SP140: variants seen among roughly 807,000 people sequenced by gnomAD.
SP140 encodes SP140 nuclear body protein, also known as nuclear body protein SP140.
Under a neutral mutation model 125.0 loss-of-function variants are expected in SP140, and 81 were observed. The observed-to-expected ratio is 0.65, with a 90% CI of 0.54 to 0.78. SP140 has a LOEUF of 0.78. Among genes scored for constraint, SP140 ranks in the 30% least tolerant of loss-of-function variants. SP140 has a pLI of 0.00. For synonymous variants in SP140, 312 were observed against 354.0 expected, an observed-to-expected ratio of 0.88 and a Z score of 1.33; for missense variants, 858 against 1,037.0, an observed-to-expected ratio of 0.83 and a Z score of 2.37.
chr2:230,188,509 A>G, the SP140 span, among the ~76,000 whole-genome samples: 1 of 152,066 alleles, frequency 6.6e-6, no homozygotes, highest in East Asian at 1.9e-4. Context: ...TCTGGCTAGG[A>G]CTTCTAGTAC....
rs947349988 is a variant in SP140 at position 230,216,995 on chromosome 2, C to T, written c.-91+2921C>T. On this transcript the variant is annotated intron_variant, in intron 3 of 4. Coordinates refer to the SP140 transcript ENST00000456542. ...GCGCGGTGGCTCATGCCTGTAATCCCGGCACTTTGGGAGGCCGAGGTGGGT... is the reference window on the plus strand; with the variant it reads ...GCGCGGTGGCTCATGCCTGTAATCCTGGCACTTTGGGAGGCCGAGGTGGGT... 5.3e-5 allele frequency: 77 copies of T among 1,465,858 alleles called. No homozygotes were observed. The Middle Eastern group carries it at 1.7e-3, about 32-fold the overall frequency. 90.8% of individuals were successfully genotyped at this position (1,465,858 alleles called of 1,614,324 possible).
rs571898926 is a variant in SP140 at position 230,303,518 on chromosome 2, T to C, written c.2058+6056T>C. On this transcript the variant is annotated intron_variant, in intron 22 of 26. Transcript: ENST00000392045. Reference sequence around the variant, plus strand: ...ATTGGTATCAATCCTACTGAAACCATTCCAAAACATAGAGAAAGAGGGCAT... The same window carrying C: ...ATTGGTATCAATCCTACTGAAACCACTCCAAAACATAGAGAAAGAGGGCAT... Among the ~76,000 whole-genome samples, 5 of 152,234 alleles carry C rather than the reference T, an allele frequency of 3.3e-5. No individual in the cohort carries two copies. The East Asian group carries it at 9.6e-4, about 29-fold the overall frequency.
chr2:230,215,122 T>A, intron 3 of SP140: 1 of 1,611,894 alleles, frequency 6.2e-7, no homozygotes, highest in Non-Finnish European at 8.5e-7. Flanking sequence ...GAGATTCCTA[T>A]AAAAATGGAG....
intron 1 of SP140, among the ~76,000 whole-genome samples, chr2:230,229,983 T>C (rs1471919429): frequency 6.6e-6 from 1 of 152,190 alleles, no homozygotes; most frequent in African/African-American, 2.4e-5. Flanking sequence ...TTTCTCTGTC[T>C]TTCGTATTCT....
chr2:230,233,240 T>A (rs928069309), intron 1 of SP140, among the ~76,000 whole-genome samples: 4 of 152,284 alleles, frequency 2.6e-5, no homozygotes, highest in East Asian at 3.9e-4. Context: ...ACTGAGACCA[T>A]CAAATTTATA....
chr2:230,217,115 G>A (rs535253959), intron 3 of SP140, among the ~76,000 whole-genome samples: 5 of 152,050 alleles, frequency 3.3e-5, no homozygotes, highest in Middle Eastern at 6.8e-3. Flanking sequence ...GTGTGGTGGC[G>A]CACGCCTGTA....
At chr2:230,216,242 T>C (rs2045161550) in intron 3 of SP140, among the ~76,000 whole-genome samples, 2 of 152,202 alleles carry the variant, frequency 1.3e-5, no homozygotes, top group African/African-American at 4.8e-5. Flanking sequence ...TTGGAAAAAG[T>C]GTCTTTGCAG....
the SP140 span, among the ~76,000 whole-genome samples, chr2:230,186,463 A>G: frequency 8.5e-5 from 13 of 152,278 alleles, no homozygotes; most frequent in African/African-American, 2.2e-4. Flanking sequence ...TGAATGTTTA[A>G]TAGGCACTAA....
intron 3 of SP140, chr2:230,238,690 A>C: frequency 8.2e-7 from 1 of 1,221,660 alleles, no homozygotes; most frequent in Non-Finnish European, 1.2e-6. Context: ...ATGTCTTTTC[A>C]TGGGAAAGGA....
chr2:230,314,542 T>G (rs2059469300), downstream of SP140, among the ~76,000 whole-genome samples: 1 of 152,208 alleles, frequency 6.6e-6, no homozygotes, highest in African/African-American at 2.4e-5. Context: ...AGGTGATGAT[T>G]CTGATATACT....
chr2:230,272,341 T>C (rs955692247), intron 15 of SP140, among the ~76,000 whole-genome samples: 2 of 152,142 alleles, frequency 1.3e-5, no homozygotes, highest in Admixed American at 6.6e-5. Context: ...TTAACTGATA[T>C]GGTTTGGCTG....
At chr2:230,280,267 T>C (rs2055346616) in intron 15 of SP140, among the ~76,000 whole-genome samples, 1 of 152,224 alleles carries the variant, frequency 6.6e-6, no homozygotes, top group Non-Finnish European at 1.5e-5. Flanking sequence ...GCATTCTGCT[T>C]TATCCCTGTT....
At chr2:230,192,663 C>T in the SP140 span, among the ~76,000 whole-genome samples, 13 of 152,260 alleles carry the variant, frequency 8.5e-5, no homozygotes, top group African/African-American at 2.4e-4. Flanking sequence ...ATTCCATCTT[C>T]ATGGATAAGA....
chr2:230,219,879 C>CT (rs2045649777), intron 3 of SP140: 1 of 980,134 alleles, frequency 1.0e-6, no homozygotes, highest in African/African-American at 1.8e-5. Context: ...CTCACCTGGA[C>CT]TTTGAGTTTG....
At chr2:230,265,301 A>G (rs1213625699) in intron 12 of SP140, among the ~76,000 whole-genome samples, 2 of 151,540 alleles carry the variant, frequency 1.3e-5, no homozygotes, top group African/African-American at 4.8e-5. Context: ...AAAGGGCCAG[A>G]CTCACTCCCA....
At chr2:230,258,201 A>T (rs189956522) in intron 12 of SP140, among the ~76,000 whole-genome samples, 1 of 152,316 alleles carries the variant, frequency 6.6e-6, no homozygotes, top group Non-Finnish European at 1.5e-5. Flanking sequence ...AGGAGGCACC[A>T]TCAAGTATTT....
chr2:230,266,732 G>C (rs1230502160), intron 12 of SP140, among the ~76,000 whole-genome samples: 1 of 152,134 alleles, frequency 6.6e-6, no homozygotes, highest in Non-Finnish European at 1.5e-5. Context: ...CTGGTTGTTG[G>C]TCACGGACCA....
At chr2:230,281,685 A>G (rs1289814480) in intron 15 of SP140, among the ~76,000 whole-genome samples, 1 of 152,194 alleles carries the variant, frequency 6.6e-6, no homozygotes, top group African/African-American at 2.4e-5. Flanking sequence ...AGTGGGATTT[A>G]TTTCACACAG....
intron 16 of SP140, among the ~76,000 whole-genome samples, chr2:230,285,292 C>T (rs1040274663): frequency 3.9e-5 from 6 of 152,092 alleles, no homozygotes; most frequent in African/African-American, 1.4e-4. Flanking sequence ...AAATGATTGT[C>T]AATTTTGAAT....
Sources: allele counts gnomAD v4.1 joint callset (sites outside exome capture counted in the v4.1 genomes callset), GRCh38; gene constraint gnomAD v4.1.1; transcripts MANE v1.5; gene names NCBI Gene and HGNC (gene_info 2026-07-23, HGNC 2026-07-21).